Variants in CEACAM1 observed in about 807,000 individuals in gnomAD.
CEACAM1 encodes cell adhesion molecule CEACAM1.
Under a neutral mutation model 49.1 loss-of-function variants are expected in CEACAM1, and 31 were observed. The observed-to-expected ratio is 0.63, with a 90% CI of 0.47 to 0.85. The LOEUF (loss-of-function observed/expected upper bound fraction) is 0.85. Among genes scored for constraint, CEACAM1 ranks in the 40% least tolerant of loss-of-function variants. The pLI is 0.00. For missense variants in CEACAM1, 570 were observed against 645.3 expected, an observed-to-expected ratio of 0.88 and a Z score of 1.26; for synonymous variants, 244 against 247.8, an observed-to-expected ratio of 0.98 and a Z score of 0.14.
chr19:42,519,871 C>T (rs1186177308), intron 4 of CEACAM1, among the ~76,000 whole-genome samples: 1 of 152,156 alleles, frequency 6.6e-6, no homozygotes, highest in African/African-American at 2.4e-5. Flanking sequence ...GCCTGGCCTC[C>T]CACTGACCCT....
chr19:42,526,821 T>A (rs1293409522), intron 2 of CEACAM1, among the ~76,000 whole-genome samples: 2 of 152,140 alleles, frequency 1.3e-5, no homozygotes, highest in Non-Finnish European at 2.9e-5. Context: ...CCACATCAGA[T>A]TGTCCTTCCT....
At position 42,521,370 on chromosome 19, in the gene CEACAM1, A is replaced by G; in HGVS notation, c.855T>C (p.Phe285=). 1.9e-6 allele frequency: 3 copies of G among 1,614,204 alleles called. No individual in the cohort carries two copies. The highest frequency in any genetic ancestry group is 1.7e-6 in the Non-Finnish European group (2 of 1,180,030). Residue 285 remains phenylalanine (F), a synonymous_variant, in exon 4 of 9, where the codon TTT becomes TTC. Coordinates refer to ENST00000161559, the MANE Select transcript of CEACAM1 (RefSeq NM_001712.5). Reference sequence around the variant, plus strand: ...TATTATTCACAGTGATGTTAGGGATAAAGAGCTCTTGTGTGCTTTGCTGGA... The same window carrying G: ...TATTATTCACAGTGATGTTAGGGATGAAGAGCTCTTGTGTGCTTTGCTGGA... The part of the protein sequence containing the change: ...GTFQQSTQEL[F]IPNITVNNSG...
chr19:42,518,550 T>G (rs1481888356), intron 5 of CEACAM1: 1 of 200,882 alleles, frequency 5.0e-6, no homozygotes. Flanking sequence ...TAGACTGGAG[T>G]GCAGTGGCAC....
At chr19:42,509,562 G>A (rs930060887) in intron 8 of CEACAM1, among the ~76,000 whole-genome samples, 1 of 152,000 alleles carries the variant, frequency 6.6e-6, no homozygotes, top group African/African-American at 2.4e-5. Flanking sequence ...ACAAAACCAA[G>A]CAATACTAAT....
intron 4 of CEACAM1, chr19:42,519,443 AC>A (rs1180206124): frequency 2.5e-5 from 14 of 569,664 alleles, no homozygotes; most frequent in Non-Finnish European, 4.4e-5. Context: ...AGAGGGCTGC[AC>A]CTCCCTCCTG....
At position 42,521,470 on chromosome 19, in the gene CEACAM1, C is replaced by T. The variant is rs1450885047; in HGVS notation, c.755G>A (p.Gly252Glu). The T allele has an allele frequency of 1.9e-6, 3 of 1,614,114 alleles. No homozygotes were observed. The highest frequency in any genetic ancestry group is 2.2e-5 in the South Asian group (2 of 91,074). ...ISPSDTYYRP[G>E]ANLSLSCYAA... The stretch of plus-strand genomic sequence containing the variant: ...ATAGCAGGAGAGGCTGAGGTTTGCC[C>T]CTGGACGGTAATAGGTGTCTGAAGG... Residue 252 changes from glycine (G) to glutamate (E), a missense_variant, in exon 4 of 9, where the codon GGG becomes GAG. Coordinates refer to ENST00000161559, the MANE Select transcript of CEACAM1 (RefSeq NM_001712.5).
chr19:42,522,708 C>T (rs367973790), intron 2 of CEACAM1, among the ~76,000 whole-genome samples: 2 of 152,074 alleles, frequency 1.3e-5, no homozygotes, highest in Admixed American at 1.3e-4. Flanking sequence ...ACTACAGGTG[C>T]ATGCCACCAT....
Position 42,508,883 on chromosome 19 carries a change from A to G in CEACAM1, c.*226T>C, listed in dbSNP as rs752471830. ...CCAAAGTCAGCTTTGCCAAATTTCA[A>G]TGACAAGAAGGTTGGGTTTCCTACA... On this transcript the variant is annotated 3_prime_UTR_variant, in exon 9 of 9. Coordinates refer to ENST00000161559, the MANE Select transcript of CEACAM1 (RefSeq NM_001712.5). 3.5e-4 allele frequency: 163 copies of G among 470,866 alleles called. No individual in the cohort carries two copies. Among genetic ancestry groups the G allele is most frequent in the Middle Eastern group, 5.9e-4 (1 of 1,692 alleles). 29.2% of individuals were successfully genotyped at this position (470,866 alleles called of 1,614,324 possible).
rs755883834 is a variant in CEACAM1, at chr19:42,528,305, C to T, written c.64+6G>A. The stretch of plus-strand genomic sequence containing the variant: ...TCCGCCCCTTCCCAGGGTGTCCTCC[C>T]CTCACCTGTGAGCAGAAGCCCCTGC... On this transcript the variant is annotated splice_donor_region_variant and intron_variant, in intron 1 of 8. Transcript: ENST00000161559. 5.6e-5 allele frequency: 90 copies of T among 1,613,220 alleles called. No homozygotes were observed. Among genetic ancestry groups the T allele is most frequent in the Non-Finnish European group, 7.1e-5 (84 of 1,179,506 alleles).
chr19:42,522,588 G>A (rs569335814), intron 2 of CEACAM1, among the ~76,000 whole-genome samples: 2 of 150,512 alleles, frequency 1.3e-5, no homozygotes, highest in South Asian at 4.2e-4. Context: ...TTGAGACAGA[G>A]TCTCGCTTTG....
chr19:42,521,654 C>T, intron 3 of CEACAM1, 133 bp from the exon 4 acceptor site: 3 of 1,527,096 alleles, frequency 2.0e-6, no homozygotes, highest in South Asian at 2.6e-5. Flanking sequence ...CCATTGTGTC[C>T]ACTGAGTCTG....
Position 42,519,093 on chromosome 19 carries a change from C to A in CEACAM1, c.1101G>T (p.Pro367=). 6.2e-7 allele frequency: 1 copy of A among 1,614,142 alleles called. No homozygotes were observed. Among genetic ancestry groups the A allele is most frequent in the African/African-American group, 1.3e-5 (1 of 75,034 alleles). ...GGGACAGCTTCATCCTCTCCGAGGA[C>A]GGGAGACTCTGGTTTTTGAAGAACC... ...IRWFFKNQSL[P]SSERMKLSQG... Residue 367 remains proline (P), a synonymous_variant, in exon 5 of 9, where the codon CCG becomes CCT. Transcript: ENST00000161559.
Position 42,509,047 on chromosome 19 carries a change from C to A in CEACAM1, c.*62G>T. 6.2e-7 allele frequency: 1 copy of A among 1,604,546 alleles called. No homozygotes were observed. ...CTACCCCTACAGGGGAAAGGAATCTCCTAGTGATGAGGGTGAGAGACTTGA... is the reference window on the plus strand; with the variant it reads ...CTACCCCTACAGGGGAAAGGAATCTACTAGTGATGAGGGTGAGAGACTTGA... On this transcript the variant is annotated 3_prime_UTR_variant, in exon 9 of 9. Transcript: ENST00000161559.
chr19:42,508,978 T>C lies in CEACAM1; in HGVS notation c.*131A>G, dbSNP rs1237637696. The C allele has an allele frequency of 5.7e-6, 6 of 1,049,522 alleles. No homozygotes were observed. The African/African-American group carries it at 9.8e-5, about 17-fold the overall frequency. The allele number at this position is 1,049,522 out of a possible 1,614,324, so 65.0% of individuals were successfully genotyped here. A position where few individuals can be genotyped will look rare whatever the true frequency, so the allele number is the denominator to read the frequency against. ...TGACCAGGCAGCCTGGAGATGCCTA[T>C]TAGGAAGGAAGAGTAGGAGAAAGTT... On this transcript the variant is annotated 3_prime_UTR_variant, in exon 9 of 9. Transcript: ENST00000161559.
At chr19:42,516,790 T>A in intron 5 of CEACAM1, 1 of 364,382 alleles carries the variant, frequency 2.7e-6, no homozygotes, top group South Asian at 2.0e-5. Context: ...CTTAGCACTT[T>A]GGGAGGTGGA....
At position 42,527,360 on chromosome 19, in the gene CEACAM1, C is replaced by A. The variant is rs1400006247; in HGVS notation, c.105G>T (p.Gln35His). ...TGAATGGCATGGATTCAGTAGTGAG[C>A]TGGGCAGTGGTGGGCGGGTTCCAGA... ...LTFWNPPTTA[Q>H]LTTESMPFNV... The change falls in exon 2 of 9, where the codon CAG (glutamine) becomes CAT (histidine). Residue 35 changes from glutamine (Q) to histidine (H), a missense_variant. By Grantham distance (24) the Gln-to-His change is conservative. Transcript: ENST00000161559. 1 of 1,611,796 alleles carries A rather than the reference C, an allele frequency of 6.2e-7. No individual in the cohort carries two copies. Among genetic ancestry groups the A allele is most frequent in the African/African-American group, 1.3e-5 (1 of 74,832 alleles).
chr19:42,522,571 T>C (rs183897158), intron 2 of CEACAM1, among the ~76,000 whole-genome samples: 5 of 150,998 alleles, frequency 3.3e-5, no homozygotes, highest in Non-Finnish European at 7.4e-5. Flanking sequence ...TTTCTTTCTT[T>C]TTTTTTTTGA....
chr19:42,512,165 A>C (rs1941343180), intron 6 of CEACAM1, among the ~76,000 whole-genome samples, 185 bp downstream of exon 6: 2 of 152,190 alleles, frequency 1.3e-5, no homozygotes, highest in Admixed American at 1.3e-4. Context: ...TGTCCAAGAG[A>C]TAATGGGAGA....
rs746587207 is a variant in CEACAM1, at chr19:42,509,184, T to C, written c.1506A>G (p.Gln502=). Residue 502 remains glutamine, a synonymous_variant, in exon 9 of 9, where the codon CAA becomes CAG. Transcript: ENST00000161559. ...TYSTLNFEAQ[Q]PTQPTSASPS... The stretch of plus-strand genomic sequence containing the variant: ...GGGAGGCTGAAGTTGGTTGTGTGGG[T>C]TGCTGGGCTTCAAAGTTCAGGGTAG... 1 of 1,613,868 alleles carries C rather than the reference T, an allele frequency of 6.2e-7. No homozygotes were observed. Among genetic ancestry groups the C allele is most frequent in the South Asian group, 1.1e-5 (1 of 91,030 alleles).
Sources: allele counts gnomAD v4.1 joint callset (sites outside exome capture counted in the v4.1 genomes callset), GRCh38; gene constraint gnomAD v4.1.1; transcripts MANE v1.5; gene names NCBI Gene and HGNC (gene_info 2026-07-23, HGNC 2026-07-21).